The following ZNF804B variants were observed in gnomAD, a reference collection of about 807,000 sequenced individuals.
ZNF804B encodes the protein zinc finger protein 804B.
Under a neutral mutation model 101.4 loss-of-function variants are expected in ZNF804B, and 80 were observed. The ratio of observed to expected loss-of-function variants is 0.79; its 90% CI spans 0.66 to 0.95. The LOEUF is 0.95. Among genes scored for constraint, ZNF804B ranks in the 40% least tolerant of loss-of-function variants. The pLI is 0.00. For missense variants in ZNF804B, 1,673 were observed against 1,561.9 expected (o/e 1.07, Z -1.20); for synonymous variants, 622 against 558.8 (o/e 1.11, Z -1.59).
chr7:88,875,625 C>G (rs1367979264), intron 1 of ZNF804B, among the ~76,000 whole-genome samples: 3 of 152,090 alleles, frequency 2.0e-5, no homozygotes, highest in African/African-American at 7.2e-5. Context: ...AGTTGAATCT[C>G]TGAATAGACC....
At chr7:88,810,112 T>G (rs928887926) in intron 1 of ZNF804B, among the ~76,000 whole-genome samples, 1 of 152,206 alleles carries the variant, frequency 6.6e-6, no homozygotes, top group Non-Finnish European at 1.5e-5. Context: ...CCTCTGTAAT[T>G]GCAATTGCGT....
chr7:89,271,721 C>G (rs142474504), intron 2 of ZNF804B, among the ~76,000 whole-genome samples: 1 of 152,036 alleles, frequency 6.6e-6, no homozygotes, highest in African/African-American at 2.4e-5. Context: ...GGTTGATAAG[C>G]TATTAATTAT....
chr7:89,320,870 A>G (rs1458496404), intron 2 of ZNF804B, among the ~76,000 whole-genome samples: 5 of 152,174 alleles, frequency 3.3e-5, no homozygotes, highest in Non-Finnish European at 5.9e-5. Context: ...AAGTGCTTCA[A>G]TTAAAAAAGA....
At chr7:88,992,275 A>G (rs1012105233) in intron 1 of ZNF804B, among the ~76,000 whole-genome samples, 9 of 152,116 alleles carry the variant, frequency 5.9e-5, no homozygotes, top group African/African-American at 2.2e-4. Flanking sequence ...TTCTCTTTAC[A>G]TTGCTTGTCA....
At chr7:88,940,565 C>A (rs1584028688) in intron 1 of ZNF804B, among the ~76,000 whole-genome samples, 1 of 151,580 alleles carries the variant, frequency 6.6e-6, no homozygotes, top group Admixed American at 6.6e-5. Flanking sequence ...AGTCCAGGAG[C>A]TTGAGATCAG....
At chr7:89,161,281 C>T (rs1791058383) in intron 1 of ZNF804B, among the ~76,000 whole-genome samples, 1 of 151,826 alleles carries the variant, frequency 6.6e-6, no homozygotes, top group Admixed American at 6.6e-5. Context: ...GTCCTCTTTA[C>T]ACTCTTCTTG....
intron 1 of ZNF804B, among the ~76,000 whole-genome samples, chr7:88,797,175 A>C (rs140099052): frequency 3.9e-5 from 6 of 151,976 alleles, no homozygotes; most frequent in Non-Finnish European, 5.9e-5. Flanking sequence ...TTATTTGTTC[A>C]TGTTTCATCC....
chr7:88,871,841 G>A (rs1438979952), intron 1 of ZNF804B, among the ~76,000 whole-genome samples: 1 of 152,170 alleles, frequency 6.6e-6, no homozygotes. Context: ...GGTGGTGCAT[G>A]CCTGTAATCC....
intron 1 of ZNF804B, among the ~76,000 whole-genome samples, chr7:89,155,960 CTCTG>C (rs765914487): frequency 1.3e-5 from 2 of 150,776 alleles, no homozygotes; most frequent in Non-Finnish European, 3.0e-5. Context: ...ACCTTCCCTC[CTCTG>C]TCTCTCTCTC....
chr7:89,183,119 A>C (rs570704087), intron 1 of ZNF804B, among the ~76,000 whole-genome samples: 8 of 152,310 alleles, frequency 5.3e-5, no homozygotes, highest in African/African-American at 1.9e-4. Flanking sequence ...GTTGGCTAAA[A>C]TATAAACATG....
chr7:89,294,352 A>G (rs896988419), intron 2 of ZNF804B, among the ~76,000 whole-genome samples: 14 of 152,180 alleles, frequency 9.2e-5, no homozygotes, highest in African/African-American at 3.1e-4. Context: ...TTGAGATTCA[A>G]AATGATTTTC....
chr7:88,866,207 T>C (rs545824054), intron 1 of ZNF804B, among the ~76,000 whole-genome samples: 67 of 152,356 alleles, frequency 4.4e-4, no homozygotes, highest in Non-Finnish European at 7.9e-4. Context: ...GATTTAATTG[T>C]GATTTAAAAT....
intron 1 of ZNF804B, among the ~76,000 whole-genome samples, chr7:89,191,148 A>G (rs17400646): frequency 0.18 from 26,654 of 152,138 alleles, 2,430 homozygotes; most frequent in Middle Eastern, 0.29. Context: ...GAGAATCTAA[A>G]ACAAATACCC....
At chr7:88,944,004 G>A (rs936266732) in intron 1 of ZNF804B, among the ~76,000 whole-genome samples, 4 of 151,680 alleles carry the variant, frequency 2.6e-5, no homozygotes, top group African/African-American at 7.3e-5. Flanking sequence ...TTTACAGTTT[G>A]TTAGACATTT....
chr7:89,028,113 A>T (rs1483831777), intron 1 of ZNF804B, among the ~76,000 whole-genome samples: 1 of 152,172 alleles, frequency 6.6e-6, no homozygotes, highest in Non-Finnish European at 1.5e-5. Flanking sequence ...TGAGTGGTAC[A>T]TAATTATAGA....
At chr7:89,316,854 CA>C (rs1790733170) in intron 2 of ZNF804B, among the ~76,000 whole-genome samples, 1 of 149,042 alleles carries the variant, frequency 6.7e-6, no homozygotes, top group Non-Finnish European at 1.5e-5. Context: ...CTTTGTACTG[CA>C]AACAGGAGAA....
intron 1 of ZNF804B, among the ~76,000 whole-genome samples, chr7:89,043,762 G>A (rs1299389326): frequency 6.6e-6 from 1 of 152,102 alleles, no homozygotes; most frequent in African/African-American, 2.4e-5. Context: ...TAAAGGGAAG[G>A]TCTTCACTGA....
chr7:89,219,233 A>T (rs77645688), intron 2 of ZNF804B, among the ~76,000 whole-genome samples: 2,426 of 152,258 alleles, frequency 0.016, 52 homozygotes, highest in African/African-American at 0.055. Flanking sequence ...TTAGGACAGA[A>T]TCTATTACAG....
At chr7:88,799,612 A>AT (rs1478144758) in intron 1 of ZNF804B, among the ~76,000 whole-genome samples, 1 of 152,032 alleles carries the variant, frequency 6.6e-6, no homozygotes, top group Non-Finnish European at 1.5e-5. Context: ...ATCTACTGTT[A>AT]TTATCTACTC....
Sources: allele counts gnomAD v4.1 joint callset (sites outside exome capture counted in the v4.1 genomes callset), GRCh38; gene constraint gnomAD v4.1.1; transcripts MANE v1.5; gene names NCBI Gene and HGNC (gene_info 2026-07-23, HGNC 2026-07-21).